Variants in GOLIM4 observed in about 807,000 individuals in gnomAD.
The protein encoded by GOLIM4 is golgi integral membrane protein 4.
GOLIM4 carries 71 observed loss-of-function variants against 107.4 expected under a neutral mutation model. That is an observed-to-expected ratio of 0.66 (90% CI 0.55 to 0.81). GOLIM4 has a LOEUF of 0.81. GOLIM4 is among the 30% of genes least tolerant of loss of function. The probability of loss-of-function intolerance (pLI) is 0.00; values close to 1 mark genes in which losing one functional copy is unlikely to be tolerated. For missense variants in GOLIM4, 830 were observed against 826.1 expected, an observed-to-expected ratio of 1.00 and a Z score of -0.06; for synonymous variants, 327 against 294.8, an observed-to-expected ratio of 1.11 and a Z score of -1.12.
chr3:168,082,187 A>G (rs1721405783), intron 1 of GOLIM4, among the ~76,000 whole-genome samples: 1 of 152,206 alleles, frequency 6.6e-6, no homozygotes, highest in Non-Finnish European at 1.5e-5. Flanking sequence ...ATATATCTTC[A>G]GGACGTTCAT....
At chr3:168,020,081 A>C (rs1717598877) in intron 14 of GOLIM4, among the ~76,000 whole-genome samples, 1 of 152,214 alleles carries the variant, frequency 6.6e-6, no homozygotes, top group South Asian at 2.1e-4. Flanking sequence ...CTTTAAAATC[A>C]GACCTAGGTG....
At chr3:168,034,997 A>G (rs1718565097) in intron 8 of GOLIM4, among the ~76,000 whole-genome samples, 1 of 151,664 alleles carries the variant, frequency 6.6e-6, no homozygotes, top group African/African-American at 2.4e-5. Flanking sequence ...AGCAGCATGA[A>G]AACGGACTAA....
chr3:168,075,286 GTTTTTT>G (rs374374393), intron 1 of GOLIM4, among the ~76,000 whole-genome samples: 4 of 94,224 alleles, frequency 4.2e-5, no homozygotes, highest in Middle Eastern at 6.6e-3. Context: ...ACATTCACTA[GTTTTTT>G]TTTTTTTTTT....
rs576794663 is a variant in GOLIM4, at chr3:168,041,442, G to T, written c.550C>A (p.Gln184Lys). 1 of 1,582,072 alleles carries T rather than the reference G, an allele frequency of 6.3e-7. No individual in the cohort carries two copies. The highest frequency in any genetic ancestry group is 8.7e-7 in the Non-Finnish European group (1 of 1,152,420). Residue 184 changes from glutamine to lysine, a missense_variant, in exon 6 of 16, where the codon CAA becomes AAA. Transcript: ENST00000470487. ...ATGTCTTGGTGTGCTTTCCTTAGTT[G>T]TCTATTCTCTTCTCTCAAATTGTAT... ...TVYNLREENR[Q>K]LRKAHQDIHT...
chr3:168,066,437 T>G (rs1415946750), intron 1 of GOLIM4, among the ~76,000 whole-genome samples: 2 of 152,260 alleles, frequency 1.3e-5, no homozygotes, highest in East Asian at 3.9e-4. Flanking sequence ...TAGTAGACAT[T>G]TTACCTTTAT....
intron 1 of GOLIM4, among the ~76,000 whole-genome samples, chr3:168,080,334 A>G (rs1057094419): frequency 2.6e-5 from 4 of 152,236 alleles, no homozygotes; most frequent in Non-Finnish European, 5.9e-5. Flanking sequence ...TATATCAATA[A>G]TATCTTGTAA....
intron 14 of GOLIM4, among the ~76,000 whole-genome samples, chr3:168,015,957 T>C (rs1230909028): frequency 7.5e-6 from 1 of 133,946 alleles, no homozygotes; most frequent in East Asian, 2.0e-4. Context: ...AACCTAGGCA[T>C]TACCATTCAG....
At chr3:168,094,771 C>T (rs55735235) in intron 1 of GOLIM4, among the ~76,000 whole-genome samples, 25,083 of 152,220 alleles carry the variant, frequency 0.16, 3,120 homozygotes, top group African/African-American at 0.35. Flanking sequence ...GGAGGGCTAC[C>T]AGTTTCCCTG....
At chr3:168,084,903 C>G (rs567573486) in intron 1 of GOLIM4, among the ~76,000 whole-genome samples, 7 of 151,862 alleles carry the variant, frequency 4.6e-5, no homozygotes, top group African/African-American at 1.7e-4. Flanking sequence ...TTAGCAATAA[C>G]CACACTTAGG....
At chr3:168,045,150 C>G (rs1452798356) in intron 3 of GOLIM4, among the ~76,000 whole-genome samples, 1 of 152,070 alleles carries the variant, frequency 6.6e-6, no homozygotes, top group Non-Finnish European at 1.5e-5. Flanking sequence ...AGATGATTTC[C>G]TTCCACTTTC....
chr3:168,072,483 G>A (rs572318321), intron 1 of GOLIM4, among the ~76,000 whole-genome samples: 15 of 151,418 alleles, frequency 9.9e-5, no homozygotes, highest in African/African-American at 3.6e-4. Flanking sequence ...GCCAACTACA[G>A]TATATTGAAC....
intron 3 of GOLIM4, among the ~76,000 whole-genome samples, chr3:168,045,911 CTGCCCTGTTGT>C (rs1719274069): frequency 6.6e-6 from 1 of 152,134 alleles, no homozygotes. Flanking sequence ...GAGATAGGGT[CTGCCCTGTTGT>C]CCAGGCTGGA....
intron 1 of GOLIM4, among the ~76,000 whole-genome samples, chr3:168,070,925 A>G (rs1046160514): frequency 6.6e-6 from 1 of 152,178 alleles, no homozygotes; most frequent in Non-Finnish European, 1.5e-5. Context: ...TTTCTACTCT[A>G]ACTTGCTAAA....
intron 14 of GOLIM4, among the ~76,000 whole-genome samples, chr3:168,023,120 T>G (rs1448692815): frequency 6.6e-6 from 1 of 152,244 alleles, no homozygotes; most frequent in African/African-American, 2.4e-5. Flanking sequence ...TGTTTAATCT[T>G]CTGAATTTTT....
rs553128565 is a variant in GOLIM4 at position 168,076,234 on chromosome 3, T to C, written c.187+18865A>G. On this transcript the variant is annotated intron_variant, in intron 1 of 15. Coordinates refer to ENST00000470487, the MANE Select transcript of GOLIM4 (RefSeq NM_014498.5). ...TAATTTTTAAATAAAAGAATCTAAG[T>C]GAATATGGTAATTTTTTAAAAGTAA... Among the ~76,000 whole-genome samples the C allele has an allele frequency of 4.5e-4, 69 of 152,350 alleles. No individual in the cohort carries two copies. The South Asian group carries it at 0.014, about 31-fold the overall frequency.
chr3:168,021,064 T>C (rs1717649260), intron 14 of GOLIM4, among the ~76,000 whole-genome samples: 1 of 152,252 alleles, frequency 6.6e-6, no homozygotes, highest in Non-Finnish European at 1.5e-5. Flanking sequence ...AAATATGTTC[T>C]AGGCATTTTA....
rs183367738 is a variant in GOLIM4, at chr3:168,032,532, G to A, written c.1164C>T (p.His388=). The A allele has an allele frequency of 2.6e-4, 413 of 1,613,636 alleles. No individual in the cohort carries two copies. In the East Asian group the frequency reaches 8.2e-3, roughly 32 times the overall value. ...QREAANLLEG[H]ARAEVYPSAK... is the part of the protein sequence containing the mutation. ...GGTGACTTCATACCTCAGCACGCGCGTGCCCTTCCAGGAGGTTGGCTGCTT... is the reference window on the plus strand; with the variant it reads ...GGTGACTTCATACCTCAGCACGCGCATGCCCTTCCAGGAGGTTGGCTGCTT... Residue 388 remains histidine (H), a synonymous_variant, in exon 9 of 16, where the codon CAC becomes CAT. Coordinates refer to ENST00000470487, the MANE Select transcript of GOLIM4 (RefSeq NM_014498.5).
intron 1 of GOLIM4, among the ~76,000 whole-genome samples, chr3:168,070,655 A>G (rs1308489908): frequency 1.3e-5 from 2 of 152,214 alleles, no homozygotes; most frequent in African/African-American, 4.8e-5. Flanking sequence ...ATAATTGCCA[A>G]TGGTTTCAAC....
At chr3:168,085,987 C>A (rs1415563265) in intron 1 of GOLIM4, among the ~76,000 whole-genome samples, 1 of 151,990 alleles carries the variant, frequency 6.6e-6, no homozygotes. Context: ...ACCTAAGGGG[C>A]CTCACCCACA....
Sources: allele counts gnomAD v4.1 joint callset (sites outside exome capture counted in the v4.1 genomes callset), GRCh38; gene constraint gnomAD v4.1.1; transcripts MANE v1.5; gene names NCBI Gene and HGNC (gene_info 2026-07-23, HGNC 2026-07-21).